FBXO34: variants seen among roughly 807,000 people sequenced by gnomAD.
FBXO34 encodes F-box only protein 34.
In FBXO34, 12 loss-of-function variants were observed where a neutral mutation model predicts 24.5. The ratio of observed to expected loss-of-function variants is 0.49; its 90% CI spans 0.31 to 0.79. FBXO34 has a LOEUF of 0.79. Ranked by LOEUF, FBXO34 falls within the 30% of genes least tolerant of loss-of-function variation. The pLI, the probability that FBXO34 is intolerant of heterozygous loss-of-function variation, is 0.04. For synonymous variants in FBXO34, 320 were observed against 311.9 expected (o/e 1.03, Z -0.27); for missense variants, 823 against 857.7 (o/e 0.96, Z 0.51).
chr14:55,440,500 G>A, the FBXO34 span: 21 of 1,612,136 alleles, frequency 1.3e-5, no homozygotes, highest in Admixed American at 5.0e-5. Context: ...GGTAAGCGCG[G>A]AGCGAGCAGC....
At chr14:55,429,552 A>G in the FBXO34 span, among the ~76,000 whole-genome samples, 133 of 152,268 alleles carry the variant, frequency 8.7e-4, no homozygotes, top group Middle Eastern at 3.4e-3. Flanking sequence ...TCACCTGAGG[A>G]CAGTAGCTCG....
downstream of FBXO34, among the ~76,000 whole-genome samples, chr14:55,364,148 C>T (rs1884630742): frequency 6.6e-6 from 1 of 151,920 alleles, no homozygotes; most frequent in South Asian, 2.1e-4. Flanking sequence ...CGGGTTTCTC[C>T]ATGTTGGTCA....
chr14:55,328,275 A>C (rs1466042413), intron 1 of FBXO34, among the ~76,000 whole-genome samples: 3 of 152,026 alleles, frequency 2.0e-5, no homozygotes. Context: ...TTTGTTTATA[A>C]AGTCGAGAAC....
intron 1 of FBXO34, among the ~76,000 whole-genome samples, chr14:55,305,484 C>T (rs945721640): frequency 2.8e-4 from 42 of 150,954 alleles, no homozygotes; most frequent in African/African-American, 1.0e-3. Context: ...CACTTGAGGT[C>T]AGGAGTTCGA....
the FBXO34 span, among the ~76,000 whole-genome samples, chr14:55,432,425 AC>A: frequency 2.7e-5 from 4 of 145,560 alleles, no homozygotes; most frequent in African/African-American, 5.3e-5. Flanking sequence ...AAAAAAAAAA[AC>A]AACAAATAAA....
intron 1 of FBXO34, among the ~76,000 whole-genome samples, chr14:55,277,346 GTC>G (rs1490501615): frequency 6.6e-6 from 1 of 152,182 alleles, no homozygotes; most frequent in African/African-American, 2.4e-5. Context: ...TTTTGAGACA[GTC>G]TCGCTTTGTT....
the FBXO34 span, among the ~76,000 whole-genome samples, chr14:55,419,815 G>A: frequency 1.6e-4 from 25 of 152,328 alleles, no homozygotes; most frequent in African/African-American, 5.5e-4. Flanking sequence ...CTAGGCAAGA[G>A]CTGGAATTCA....
chr14:55,277,736 G>C (rs1350549658), intron 1 of FBXO34, among the ~76,000 whole-genome samples: 2 of 151,972 alleles, frequency 1.3e-5, no homozygotes, highest in African/African-American at 4.8e-5. Flanking sequence ...CTTGAATTAG[G>C]GCTTCTCAGT....
At chr14:55,367,970 G>A (rs1404420628) in exon 3 of FBXO34, 3 of 152,446 alleles carry the variant, frequency 2.0e-5, no homozygotes, top group South Asian at 2.1e-4. Context: ...AAGAAGCTGG[G>A]GCATGGCAAA....
chr14:55,369,820 A>T (rs1594774426), downstream of FBXO34: 1 of 1,614,182 alleles, frequency 6.2e-7, no homozygotes. Context: ...CGGTTTCTTC[A>T]TCGCTGACGC....
the FBXO34 span, among the ~76,000 whole-genome samples, chr14:55,428,119 C>CTTTTT: frequency 3.6e-3 from 155 of 43,356 alleles, 41 homozygotes; most frequent in African/African-American, 0.014. Context: ...CATGCCTTAT[C>CTTTTT]TTTTTTTTTT....
chr14:55,285,540 A>G (rs1007562464), intron 1 of FBXO34: 2 of 152,100 alleles, frequency 1.3e-5, no homozygotes, highest in African/African-American at 4.8e-5. Flanking sequence ...CATTGGCAAC[A>G]TAGTGAGACT....
At chr14:55,357,859 A>C (rs1884543830), downstream of FBXO34, among the ~76,000 whole-genome samples, 1 of 152,242 alleles carries the variant, frequency 6.6e-6, no homozygotes, top group Admixed American at 6.5e-5. Flanking sequence ...TAGTTAAATA[A>C]AAAATAAAAA....
At chr14:55,425,562 G>A in the FBXO34 span, among the ~76,000 whole-genome samples, 1 of 152,170 alleles carries the variant, frequency 6.6e-6, no homozygotes, top group Non-Finnish European at 1.5e-5. Flanking sequence ...TCCAAAAGAA[G>A]GCTGAGGCAG....
At chr14:55,437,909 T>C in the FBXO34 span, among the ~76,000 whole-genome samples, 4 of 152,328 alleles carry the variant, frequency 2.6e-5, no homozygotes, top group South Asian at 2.1e-4. Context: ...GAAACTTAAA[T>C]GGTAAGAATA....
downstream of FBXO34, among the ~76,000 whole-genome samples, chr14:55,371,426 C>A (rs1335828330): frequency 6.6e-6 from 1 of 152,166 alleles, no homozygotes; most frequent in African/African-American, 2.4e-5. Flanking sequence ...CATTTATGCT[C>A]CAGGGACTGT....
rs138488588 is a variant in FBXO34, at chr14:55,284,556, T to C, written c.-11+13019T>C. The stretch of plus-strand genomic sequence containing the variant: ...AAGTGAATGATTTATTTTCTTCTCT[T>C]TTTATTTGATTCAGGGACCTAGCCT... On this transcript the variant is annotated intron_variant, in intron 1 of 1. Transcript: ENST00000313833. Among the ~76,000 whole-genome samples the C allele has an allele frequency of 2.2e-3, 326 of 149,352 alleles. 12 individuals carry two copies. Among genetic ancestry groups the C allele is most frequent in the Middle Eastern group, 0.01 (3 of 290 alleles).
intron 1 of FBXO34, among the ~76,000 whole-genome samples, chr14:55,343,633 C>CT (rs911153806): frequency 1.3e-5 from 2 of 152,158 alleles, no homozygotes; most frequent in Non-Finnish European, 2.9e-5. Flanking sequence ...TGTGCCTTTA[C>CT]TGAAGCAGAA....
chr14:55,344,396 C>G (rs1225619297), intron 1 of FBXO34, among the ~76,000 whole-genome samples: 1 of 151,966 alleles, frequency 6.6e-6, no homozygotes, highest in Non-Finnish European at 1.5e-5. Flanking sequence ...TTATCTCTAT[C>G]CAGAAAACTT....
Sources: gnomAD v4.1 joint callset for allele counts (sites outside exome capture counted in the v4.1 genomes callset) on GRCh38, gnomAD v4.1.1 for gene constraint, MANE v1.5 for transcripts, NCBI Gene and HGNC (gene_info 2026-07-23, HGNC 2026-07-21) for gene names.